The following PRADC1 variants were observed in gnomAD, a reference collection of about 807,000 sequenced individuals.
The protein encoded by PRADC1 is protease associated domain containing 1.
In PRADC1, 23 loss-of-function variants were observed where a neutral mutation model predicts 22.9. The observed-to-expected ratio is 1.00, with a 90% confidence interval of 0.72 to 1.42. The LOEUF is 1.42. Ranked by LOEUF, PRADC1 falls within the 40% of genes most tolerant of loss-of-function variation. PRADC1 has a pLI of 0.00. For missense variants in PRADC1, 207 were observed against 258.3 expected, an observed-to-expected ratio of 0.80 and a Z score of 1.36; for synonymous variants, 71 against 100.3, an observed-to-expected ratio of 0.71 and a Z score of 1.75.
At chr2:73,229,378 C>T (rs1417154952) in intron 3 of PRADC1, 83 bp downstream of exon 3, 5 of 959,388 alleles carry the variant, frequency 5.2e-6, no homozygotes, top group Middle Eastern at 2.1e-4. Context: ...TCAAAAACAG[C>T]TCTTTCAAAG....
intron 3 of PRADC1, among the ~76,000 whole-genome samples, chr2:73,229,196 C>T (rs1268505885): frequency 6.6e-6 from 1 of 151,842 alleles, no homozygotes; most frequent in Non-Finnish European, 1.5e-5. Flanking sequence ...GATCTCGGCT[C>T]ACTGCAGCCT....
chr2:73,229,440 T>TCCTGCCTGCCCACTCCTCGTGG, intron 3 of PRADC1, 21 bp downstream of exon 3: 1 of 1,537,080 alleles, frequency 6.5e-7, no homozygotes, highest in Non-Finnish European at 9.0e-7. Flanking sequence ...ACTCCTCGTG[T>TCCTGCCTGCCCACTCCTCGTGG]CCTGCCTGCC....
Position 73,229,642 on chromosome 2 carries a change from T to G in PRADC1, c.169-72A>C. On this transcript the variant is annotated intron_variant, in intron 2 of 4. Transcript: ENST00000258083. ...ACCTGCTTTAGGACTGGGCTGACAA[T>G]CCCATCTTATTGGCACCTTATAAAG... is the stretch of plus-strand genomic sequence containing the variant. 2.6e-6 allele frequency: 3 copies of G among 1,145,372 alleles called. No homozygotes were observed. In the South Asian group the frequency reaches 3.7e-5, roughly 14 times the overall value. The allele number at this position is 1,145,372 out of a possible 1,614,324, so 71.0% of individuals were successfully genotyped here.
chr2:73,231,426 CT>C (rs941817602), intron 1 of PRADC1, among the ~76,000 whole-genome samples: 28 of 139,894 alleles, frequency 2.0e-4, no homozygotes, highest in African/African-American at 7.5e-4. Flanking sequence ...GCCTCTTTTT[CT>C]TTTTTTTGAG....
chr2:73,231,443 G>A (rs1686633475), intron 1 of PRADC1, among the ~76,000 whole-genome samples: 1 of 151,448 alleles, frequency 6.6e-6, no homozygotes, highest in Admixed American at 6.6e-5. Flanking sequence ...TTGAGACAGG[G>A]TCTCACTTTA....
At chr2:73,232,094 G>C (rs1288562665) in intron 1 of PRADC1, among the ~76,000 whole-genome samples, 1 of 152,156 alleles carries the variant, frequency 6.6e-6, no homozygotes, top group Non-Finnish European at 1.5e-5. Context: ...CCAGCACTTT[G>C]GGAGGCCGAG....
chr2:73,232,984 G>A, intron 1 of PRADC1, 110 bp downstream of exon 1: 1 of 1,306,084 alleles, frequency 7.7e-7, no homozygotes, highest in South Asian at 1.3e-5. Flanking sequence ...GACCTGTCCT[G>A]CTCTGAACTC....
At chr2:73,229,257 A>G (rs577430245) in intron 3 of PRADC1, among the ~76,000 whole-genome samples, 35 of 152,098 alleles carry the variant, frequency 2.3e-4, no homozygotes, top group Non-Finnish European at 4.7e-4. Context: ...AGCTGGGACC[A>G]CAGGTGTGCA....
At position 73,228,509 on chromosome 2, in the gene PRADC1, T is replaced by C. The variant is rs776980668; in HGVS notation, c.512A>G (p.Asn171Ser). ...LPWAIISIPV[N>S]VTSIPTFELL... Reference sequence around the variant, plus strand: ...CTCAAAGGTGGGGATGCTGGTGACATTGACTGGGATGGAAATGATGGCCCA... The same window carrying C: ...CTCAAAGGTGGGGATGCTGGTGACACTGACTGGGATGGAAATGATGGCCCA... The change falls in exon 5 of 5, where the codon AAT becomes AGT. Residue 171 changes from asparagine to serine, a missense_variant. Physicochemically the swap from Asn to Ser is conservative, Grantham distance 46. Transcript: ENST00000258083. The surrounding 1 kb of genome is among the most constrained non-coding windows in gnomAD (Gnocchi z 4.0). 11 of 1,614,034 alleles carry C rather than the reference T, an allele frequency of 6.8e-6. No homozygotes were observed. Among genetic ancestry groups the C allele is most frequent in the Non-Finnish European group, 9.3e-6 (11 of 1,180,034 alleles).
chr2:73,228,746 C>G lies in PRADC1; in HGVS notation c.446+49G>C, dbSNP rs1458753391. ...GACTGGTGATTACCCCTGACCCAGT[C>G]ATGGCGCCCAGCCTGGTGCTGATAA... On this transcript the variant is annotated intron_variant, in intron 4 of 4. Transcript: ENST00000258083. This position sits in a 1 kb window ranked among gnomAD's most constrained non-coding sequence, Gnocchi z 4.0. 1 of 1,592,800 alleles carries G rather than the reference C, an allele frequency of 6.3e-7. No individual in the cohort carries two copies. Among genetic ancestry groups the G allele is most frequent in the East Asian group, 2.2e-5 (1 of 44,560 alleles).
In PRADC1 at chr2:73,228,144, C is replaced by T; in HGVS notation, c.*310G>A. The T allele has an allele frequency of 2.6e-6, 1 of 382,096 alleles. No individual in the cohort carries two copies. The highest frequency in any genetic ancestry group is 3.7e-5 in the Admixed American group (1 of 27,306). 23.7% of individuals were successfully genotyped at this position (382,096 alleles called of 1,614,324 possible). A position where few individuals can be genotyped will look rare whatever the true frequency, so the allele number is the denominator to read the frequency against. On this transcript the variant is annotated 3_prime_UTR_variant, in exon 5 of 5. Coordinates refer to ENST00000258083, the MANE Select transcript of PRADC1 (RefSeq NM_032319.3). This position sits in a 1 kb window ranked among gnomAD's most constrained non-coding sequence, Gnocchi z 4.0. Reference sequence around the variant, plus strand: ...GACCCTGGGTAGGGGAGGCTGGAGCCAGGTGAGTGTGACAGGTCACAGATG... The same window carrying T: ...GACCCTGGGTAGGGGAGGCTGGAGCTAGGTGAGTGTGACAGGTCACAGATG...
In PRADC1 at chr2:73,228,614, T is replaced by C. The variant is rs770315281; in HGVS notation, c.447-40A>G. ...AGAGAGGTGGTGACGGTCACTTTCT[T>C]GGTACCCCATCATGCCCCACTGTCC... On this transcript the variant is annotated intron_variant, in intron 4 of 4. Transcript: ENST00000258083. The surrounding 1 kb of genome is among the most constrained non-coding windows in gnomAD (Gnocchi z 4.0). 2 of 1,613,680 alleles carry C rather than the reference T, an allele frequency of 1.2e-6. No individual in the cohort carries two copies. Among genetic ancestry groups the C allele is most frequent in the Non-Finnish European group, 1.7e-6 (2 of 1,179,932 alleles).
At chr2:73,233,056 C>T (rs887270645) in intron 1 of PRADC1, 38 bp downstream of exon 1, 4 of 1,524,058 alleles carry the variant, frequency 2.6e-6, no homozygotes, top group Admixed American at 2.0e-5. Context: ...GGACGGCCAG[C>T]CCCGCCCTGC....
rs1367942297 is a variant in PRADC1 at position 73,229,712 on chromosome 2, A to T, written c.169-142T>A. The T allele has an allele frequency of 6.0e-6, 4 of 669,528 alleles. No individual in the cohort carries two copies. The Admixed American group carries it at 1.0e-4, about 17-fold the overall frequency. The allele number at this position is 669,528 out of a possible 1,614,324, so 41.5% of individuals were successfully genotyped here. Reference sequence around the variant, plus strand: ...GGTTTCTGTATCGCCAGACACTTAAACATTTTTACTTAATTCTCGCAAAGG... The same window carrying T: ...GGTTTCTGTATCGCCAGACACTTAATCATTTTTACTTAATTCTCGCAAAGG... On this transcript the variant is annotated intron_variant, in intron 2 of 4. Transcript: ENST00000258083.
chr2:73,229,363 A>C, intron 3 of PRADC1, 98 bp downstream of exon 3: 1 of 886,684 alleles, frequency 1.1e-6, no homozygotes, highest in Non-Finnish European at 1.9e-6. Context: ...AAAAAGATGA[A>C]ATTTTCAAAA....
At position 73,228,409 on chromosome 2, in the gene PRADC1, T is replaced by A; in HGVS notation, c.*45A>T. ...GTAGCAAAATTCCTGGGTTTCCCCT[T>A]CCCAGCTCAGAGTCACTTATGGCTG... On this transcript the variant is annotated 3_prime_UTR_variant, in exon 5 of 5. Coordinates refer to ENST00000258083, the MANE Select transcript of PRADC1 (RefSeq NM_032319.3). This position sits in a 1 kb window ranked among gnomAD's most constrained non-coding sequence, Gnocchi z 4.0. 1 of 1,611,190 alleles carries A rather than the reference T, an allele frequency of 6.2e-7. No individual in the cohort carries two copies.
Position 73,233,230 on chromosome 2 carries a change from T to A in PRADC1, c.-70A>T. 9.4e-7 allele frequency: 1 copy of A among 1,064,656 alleles called. No homozygotes were observed. The highest frequency in any genetic ancestry group is 2.0e-5 in the South Asian group (1 of 50,484). 66.0% of individuals were successfully genotyped at this position (1,064,656 alleles called of 1,614,324 possible). A position where few individuals can be genotyped will look rare whatever the true frequency, so the allele number is the denominator to read the frequency against. On this transcript the variant is annotated 5_prime_UTR_variant, in exon 1 of 5. Coordinates refer to ENST00000258083, the MANE Select transcript of PRADC1 (RefSeq NM_032319.3). The stretch of plus-strand genomic sequence containing the variant: ...CCCGCCGCGCGTCGCTCGCAGGACT[T>A]CAGCCTGACAGCTGCTCCGGCCTCC...
Position 73,228,181 on chromosome 2 carries a change from A to C in PRADC1, c.*273T>G, listed in dbSNP as rs1574344173. ...ACAGGTCACAGATGGCTCTCAGGCC[A>C]CCTGCCTTCAGCTCCTTTTGTTTCG... is the stretch of plus-strand genomic sequence containing the variant. On this transcript the variant is annotated 3_prime_UTR_variant, in exon 5 of 5. Transcript: ENST00000258083. The surrounding 1 kb of genome is among the most constrained non-coding windows in gnomAD (Gnocchi z 4.0). 2.2e-6 allele frequency: 1 copy of C among 448,518 alleles called. No individual in the cohort carries two copies. The highest frequency in any genetic ancestry group is 2.4e-5 in the South Asian group (1 of 41,392). The allele number at this position is 448,518 out of a possible 1,614,324, so 27.8% of individuals were successfully genotyped here.
intron 1 of PRADC1, among the ~76,000 whole-genome samples, chr2:73,230,839 C>T (rs1237595079): frequency 6.6e-6 from 1 of 152,234 alleles, no homozygotes; most frequent in African/African-American, 2.4e-5. Flanking sequence ...ACCTCATCTC[C>T]TCCATCCTGT....
Sources: allele counts gnomAD v4.1 joint callset (sites outside exome capture counted in the v4.1 genomes callset), GRCh38; gene constraint gnomAD v4.1.1; non-coding constraint Gnocchi (gnomAD v3.1); transcripts MANE v1.5; gene names NCBI Gene and HGNC (gene_info 2026-07-23, HGNC 2026-07-21).